SLMAP: variants seen among roughly 807,000 people sequenced by gnomAD.
The protein encoded by SLMAP is sarcolemma associated protein.
Under a neutral mutation model 128.8 loss-of-function variants are expected in SLMAP, and 44 were observed. That is an observed-to-expected ratio of 0.34 (90% CI 0.27 to 0.44). SLMAP has a LOEUF of 0.44. SLMAP is among the 20% of genes least tolerant of loss of function. The pLI is 1.00. For missense variants in SLMAP, 787 were observed against 985.3 expected, an observed-to-expected ratio of 0.80 and a Z score of 2.69; for synonymous variants, 327 against 348.8, an observed-to-expected ratio of 0.94 and a Z score of 0.70.
chr3:57,888,864 A>T (rs1238777857), intron 14 of SLMAP, among the ~76,000 whole-genome samples: 3 of 152,008 alleles, frequency 2.0e-5, no homozygotes, highest in African/African-American at 7.3e-5. Context: ...TATACATCTT[A>T]ATCAAAATCT....
intron 7 of SLMAP, 58 bp downstream of exon 7, chr3:57,857,886 T>A (rs1253177644): frequency 3.3e-6 from 4 of 1,206,750 alleles, no homozygotes; most frequent in Non-Finnish European, 4.8e-6. Flanking sequence ...ATTCCATACA[T>A]GTTAAATAAA....
chr3:57,811,821 G>A (rs186854878), intron 2 of SLMAP, among the ~76,000 whole-genome samples: 9 of 152,148 alleles, frequency 5.9e-5, no homozygotes, highest in African/African-American at 1.4e-4. Context: ...TTTCTCTAAT[G>A]ATTAGTGATG....
intron 6 of SLMAP, among the ~76,000 whole-genome samples, chr3:57,855,976 G>A (rs2094765647): frequency 6.6e-6 from 1 of 151,966 alleles, no homozygotes; most frequent in Admixed American, 6.6e-5. Flanking sequence ...CCAAGAGGCG[G>A]AGGTTGCAGT....
intron 3 of SLMAP, among the ~76,000 whole-genome samples, chr3:57,836,834 C>T (rs1185450165): frequency 6.6e-6 from 1 of 152,194 alleles, no homozygotes; most frequent in Admixed American, 6.5e-5. Flanking sequence ...ACTGGCCACT[C>T]CTCTTTTCCT....
chr3:57,862,365 C>T (rs1262639147), intron 10 of SLMAP, among the ~76,000 whole-genome samples: 14 of 151,670 alleles, frequency 9.2e-5, no homozygotes, highest in Non-Finnish European at 1.6e-4. Context: ...TTGGGCCAGG[C>T]GCAGTGGCTC....
In SLMAP at chr3:57,928,640, A is replaced by G. The variant is rs932964269; in HGVS notation, c.*1351A>G. The G allele has an allele frequency of 6.6e-6, 1 of 152,188 alleles. No homozygotes were observed. Among genetic ancestry groups the G allele is most frequent in the Admixed American group, 6.5e-5 (1 of 15,274 alleles). 9.4% of individuals were successfully genotyped at this position (152,188 alleles called of 1,614,324 possible). A position where few individuals can be genotyped will look rare whatever the true frequency, so the allele number is the denominator to read the frequency against. The stretch of plus-strand genomic sequence containing the variant: ...GTTTATTTAGGTCATAGAATATCCT[A>G]AAGTATCACATAGTTAAATTTTTCA... On this transcript the variant is annotated 3_prime_UTR_variant, in exon 25 of 25. Transcript: ENST00000671191.
intron 2 of SLMAP, among the ~76,000 whole-genome samples, chr3:57,763,152 C>G (rs974832579): frequency 1.3e-5 from 2 of 152,132 alleles, no homozygotes; most frequent in African/African-American, 4.8e-5. Context: ...TGATTTGAGG[C>G]TTTGGGGTAC....
chr3:57,812,932 T>C (rs904335150), intron 2 of SLMAP, among the ~76,000 whole-genome samples: 5 of 152,110 alleles, frequency 3.3e-5, no homozygotes, highest in Non-Finnish European at 7.3e-5. Flanking sequence ...CATTGTTTAG[T>C]GTATAGAAAT....
At chr3:57,906,317 T>TTTTTGTTTG (rs2096557516) in intron 17 of SLMAP, among the ~76,000 whole-genome samples, 2 of 121,716 alleles carry the variant, frequency 1.6e-5, no homozygotes, top group Non-Finnish European at 3.4e-5. Context: ...TTTCTTTTTT[T>TTTTTGTTTG]TTTTTTTTTT....
intron 24 of SLMAP, chr3:57,926,216 T>C (rs2097005677): frequency 5.4e-6 from 2 of 373,266 alleles, no homozygotes; most frequent in Non-Finnish European, 9.6e-6. Flanking sequence ...TCTAGCAAAC[T>C]GGAGTGCACT....
In SLMAP at chr3:57,892,797, CACACACACACACAT is replaced by C. The variant is rs1280686320; in HGVS notation, c.1360+2707_1360+2720del. Among the ~76,000 whole-genome samples the C allele has an allele frequency of 4.0e-5, 6 of 149,318 alleles. No homozygotes were observed. The South Asian group carries it at 6.4e-4, about 16-fold the overall frequency. ...CTGTCTCTTAAAACACACACACACA[CACACACACACACAT>C]ACACACACAAACTTGCTTTCTTTTT... On this transcript the variant is annotated intron_variant, in intron 15 of 24. Transcript: ENST00000671191.
intron 14 of SLMAP, among the ~76,000 whole-genome samples, chr3:57,878,320 G>A (rs2095652042): frequency 6.6e-6 from 1 of 152,110 alleles, no homozygotes; most frequent in Non-Finnish European, 1.5e-5. Flanking sequence ...GAGGTTCTAT[G>A]TCTCTATTTC....
At chr3:57,851,462 G>T (rs147787162) in intron 6 of SLMAP, among the ~76,000 whole-genome samples, 1 of 150,126 alleles carries the variant, frequency 6.7e-6, no homozygotes, top group East Asian at 2.0e-4. Flanking sequence ...AGAGACTGAG[G>T]TATTTTTTGT....
At chr3:57,895,358 C>CA (rs963992155) in intron 15 of SLMAP, among the ~76,000 whole-genome samples, 6 of 151,966 alleles carry the variant, frequency 3.9e-5, no homozygotes, top group African/African-American at 1.2e-4. Flanking sequence ...TATTTTGAGA[C>CA]AGAGTCTTGC....
intron 17 of SLMAP, among the ~76,000 whole-genome samples, chr3:57,906,603 C>T (rs2096571228): frequency 6.8e-6 from 1 of 147,064 alleles, no homozygotes; most frequent in Non-Finnish European, 1.5e-5. Context: ...AGGCATGAAC[C>T]ACCGCGCCTA....
chr3:57,898,181 T>C (rs1041919349), intron 17 of SLMAP: 2 of 152,204 alleles, frequency 1.3e-5, no homozygotes, highest in East Asian at 1.9e-4. Context: ...AGGTGATCTT[T>C]GGTGTTGATA....
At chr3:57,891,823 C>T (rs564762977) in intron 15 of SLMAP, among the ~76,000 whole-genome samples, 3 of 152,136 alleles carry the variant, frequency 2.0e-5, no homozygotes, top group Admixed American at 6.6e-5. Context: ...ATGATCCACC[C>T]GCCTCGGCCT....
chr3:57,844,318 C>T (rs1403402437), intron 4 of SLMAP, among the ~76,000 whole-genome samples: 1 of 151,892 alleles, frequency 6.6e-6, no homozygotes, highest in Admixed American at 6.6e-5. Flanking sequence ...AGCTTGAACC[C>T]CGGAGGCGGA....
chr3:57,782,621 C>A (rs559223336), intron 2 of SLMAP, among the ~76,000 whole-genome samples: 1 of 152,104 alleles, frequency 6.6e-6, no homozygotes. Context: ...TACAGGTGTG[C>A]ACCACCATGC....
Sources: gnomAD v4.1 joint callset for allele counts (sites outside exome capture counted in the v4.1 genomes callset) on GRCh38, gnomAD v4.1.1 for gene constraint, MANE v1.5 for transcripts, NCBI Gene and HGNC (gene_info 2026-07-23, HGNC 2026-07-21) for gene names.